The following JAZF1 variants were observed in gnomAD, a reference collection of about 807,000 sequenced individuals.
JAZF1 encodes the protein juxtaposed with another zinc finger protein 1.
Under a neutral mutation model 26.4 loss-of-function variants are expected in JAZF1, and 8 were observed. The ratio of observed to expected loss-of-function variants is 0.30; its 90% CI spans 0.18 to 0.55. The LOEUF is 0.55. Among genes scored for constraint, JAZF1 ranks in the 20% least tolerant of loss-of-function variants. The pLI, the probability that JAZF1 is intolerant of heterozygous loss-of-function variation, is 0.94. For synonymous variants in JAZF1, 126 were observed against 122.3 expected (o/e 1.03, Z -0.20); for missense variants, 199 against 322.0 (o/e 0.62, Z 2.92).
At chr7:28,081,213 T>C (rs1784131344) in intron 1 of JAZF1, among the ~76,000 whole-genome samples, 1 of 152,168 alleles carries the variant, frequency 6.6e-6, no homozygotes, top group African/African-American at 2.4e-5. Context: ...CCCAGTGTTG[T>C]TACTCTTCAG....
At chr7:27,839,350 A>G (rs1782879625) in intron 4 of JAZF1, among the ~76,000 whole-genome samples, 1 of 152,230 alleles carries the variant, frequency 6.6e-6, no homozygotes, top group Non-Finnish European at 1.5e-5. Flanking sequence ...CAGCCCAGGC[A>G]GTGGCCAGTC....
chr7:28,042,832 G>C (rs1263387551), intron 1 of JAZF1, among the ~76,000 whole-genome samples: 1 of 152,138 alleles, frequency 6.6e-6, no homozygotes, highest in Non-Finnish European at 1.5e-5. Context: ...TATAGCCTAG[G>C]TGTGTAGCAG....
At chr7:28,025,571 A>G (rs1271833764) in intron 1 of JAZF1, among the ~76,000 whole-genome samples, 10 of 152,226 alleles carry the variant, frequency 6.6e-5, no homozygotes, top group South Asian at 4.1e-4. Flanking sequence ...AAAATACGTC[A>G]TTTAAAAACA....
chr7:27,852,189 T>C (rs1280868740), intron 3 of JAZF1, among the ~76,000 whole-genome samples: 1 of 151,392 alleles, frequency 6.6e-6, no homozygotes, highest in Non-Finnish European at 1.5e-5. Context: ...TGGAGTGCAG[T>C]GGAGCGATCT....
chr7:28,030,535 C>T (rs534481021), intron 1 of JAZF1, among the ~76,000 whole-genome samples: 3 of 152,210 alleles, frequency 2.0e-5, no homozygotes, highest in African/African-American at 7.2e-5. Context: ...AAGGGCTGTT[C>T]GTCCTTTCAA....
In JAZF1 at chr7:28,110,553, A is replaced by AGGAAAAGGAAAGGGAAAG. The variant is rs1204827727; in HGVS notation, c.115+69909_115+69910insCTTTCCCTTTCCTTTTCC. 7.3e-4 allele frequency among the ~76,000 whole-genome samples: 41 copies of AGGAAAAGGAAAGGGAAAG among 56,094 alleles called. 1 individual carries two copies. Among genetic ancestry groups the AGGAAAAGGAAAGGGAAAG allele is most frequent in the African/African-American group, 1.4e-3 (29 of 20,222 alleles). 36.8% of individuals were successfully genotyped at this position (56,094 alleles called of 152,430 possible). A position where few individuals can be genotyped will look rare whatever the true frequency, so the allele number is the denominator to read the frequency against. On this transcript the variant is annotated intron_variant, in intron 1 of 4. Coordinates refer to ENST00000283928, the MANE Select transcript of JAZF1 (RefSeq NM_175061.4). ...AAAGGAAAGGAAAAGGAAAAGGAAA[A>AGGAAAAGGAAAGGGAAAG]GGAAAGGGAAAGGAAAAGGGAAAGG...
chr7:27,880,108 T>C (rs1334217439), intron 3 of JAZF1, among the ~76,000 whole-genome samples: 2 of 152,300 alleles, frequency 1.3e-5, no homozygotes, highest in Admixed American at 6.5e-5. Flanking sequence ...TTACCCTCCT[T>C]GCTTGACAGA....
intron 3 of JAZF1, among the ~76,000 whole-genome samples, chr7:27,849,682 A>G (rs143991479): frequency 4.2e-4 from 64 of 151,486 alleles, no homozygotes; most frequent in African/African-American, 1.5e-3. Flanking sequence ...GGGAGCTTCT[A>G]CTGGTTGTTG....
At chr7:28,136,471 G>T (rs1227969539) in intron 1 of JAZF1, among the ~76,000 whole-genome samples, 1 of 152,218 alleles carries the variant, frequency 6.6e-6, no homozygotes, top group Non-Finnish European at 1.5e-5. Context: ...CTCCAACAAG[G>T]ATGAGTCTAG....
intron 2 of JAZF1, among the ~76,000 whole-genome samples, chr7:27,906,189 G>A (rs1784253411): frequency 2.6e-5 from 4 of 152,154 alleles, no homozygotes; most frequent in Admixed American, 2.6e-4. Context: ...GAGCTGGGAG[G>A]TGGTGAGCAA....
At chr7:27,886,035 C>G (rs1783856060) in intron 3 of JAZF1, among the ~76,000 whole-genome samples, 1 of 152,194 alleles carries the variant, frequency 6.6e-6, no homozygotes. Context: ...ACTTCCTGAA[C>G]ACATGGGGCT....
intron 1 of JAZF1, among the ~76,000 whole-genome samples, chr7:28,052,457 T>C (rs1321248883): frequency 1.3e-5 from 2 of 152,316 alleles, no homozygotes; most frequent in African/African-American, 4.8e-5. Flanking sequence ...GCAATCCCTA[T>C]TGACCCCATC....
At chr7:28,009,627 G>A (rs1375129850) in intron 1 of JAZF1, among the ~76,000 whole-genome samples, 5 of 152,094 alleles carry the variant, frequency 3.3e-5, no homozygotes, top group Non-Finnish European at 5.9e-5. Context: ...GGGACTACAG[G>A]CGCATGTCAC....
intron 1 of JAZF1, among the ~76,000 whole-genome samples, chr7:28,112,857 A>G (rs1784684064): frequency 6.6e-6 from 1 of 152,232 alleles, no homozygotes; most frequent in Admixed American, 6.5e-5. Context: ...CTCACTTTTA[A>G]AAACAGCCTG....
intron 4 of JAZF1, among the ~76,000 whole-genome samples, chr7:27,839,528 G>A (rs1429254277): frequency 6.6e-6 from 1 of 152,192 alleles, no homozygotes; most frequent in Non-Finnish European, 1.5e-5. Context: ...CTCTGACACA[G>A]AATGTACAGA....
chr7:28,131,862 C>T (rs1232458648), intron 1 of JAZF1, among the ~76,000 whole-genome samples: 5 of 152,142 alleles, frequency 3.3e-5, no homozygotes, highest in South Asian at 2.1e-4. Flanking sequence ...ACACTTCACT[C>T]GATGTATTAT....
At chr7:28,033,371 C>T (rs1000690710) in intron 1 of JAZF1, among the ~76,000 whole-genome samples, 21 of 152,200 alleles carry the variant, frequency 1.4e-4, no homozygotes, top group African/African-American at 4.3e-4. Context: ...GCTGGAATGG[C>T]AGCAGACTGT....
At position 27,845,887 on chromosome 7, in the gene JAZF1, T is replaced by G. The variant is rs116413812; in HGVS notation, c.386-5020A>C. 8.3e-3 allele frequency among the ~76,000 whole-genome samples: 1,261 copies of G among 151,878 alleles called. 21 individuals carry two copies. The highest frequency in any genetic ancestry group is 0.029 in the African/African-American group (1,195 of 41,406). Reference sequence around the variant, plus strand: ...GCACCCATTCACATTCCCTCTCTTCTCCCTCTCTCCTCTACCCCACCCTTT... The same window carrying G: ...GCACCCATTCACATTCCCTCTCTTCGCCCTCTCTCCTCTACCCCACCCTTT... On this transcript the variant is annotated intron_variant, in intron 3 of 4. Transcript: ENST00000283928.
chr7:27,941,720 A>G (rs1025261690), intron 2 of JAZF1, among the ~76,000 whole-genome samples: 1 of 152,158 alleles, frequency 6.6e-6, no homozygotes, highest in Non-Finnish European at 1.5e-5. Context: ...CCGTAGCAAA[A>G]CCCTCACCAC....
Sources: allele counts gnomAD v4.1 joint callset (sites outside exome capture counted in the v4.1 genomes callset), GRCh38; gene constraint gnomAD v4.1.1; transcripts MANE v1.5; gene names NCBI Gene and HGNC (gene_info 2026-07-23, HGNC 2026-07-21).